CNTNAP4: variants seen among roughly 807,000 people sequenced by gnomAD.
CNTNAP4 encodes the protein contactin-associated protein-like 4.
Under a neutral mutation model 148.4 loss-of-function variants are expected in CNTNAP4, and 98 were observed. The observed-to-expected ratio is 0.66, with a 90% CI of 0.56 to 0.78. The LOEUF (loss-of-function observed/expected upper bound fraction) is 0.78, where lower values mean the gene tolerates loss of function less well. CNTNAP4 is among the 30% of genes least tolerant of loss of function. The pLI is 0.00. For missense variants in CNTNAP4, 1,935 were observed against 1,565.6 expected (o/e 1.24, Z -3.98); for synonymous variants, 730 against 565.1 (o/e 1.29, Z -4.14).
chr16:76,382,736 CT>C (rs1298784770), intron 3 of CNTNAP4, among the ~76,000 whole-genome samples: 1 of 152,106 alleles, frequency 6.6e-6, no homozygotes, highest in Non-Finnish European at 1.5e-5. Context: ...CTCCTAGCAC[CT>C]AGACTGAGGG....
At chr16:76,480,273 CAT>C (rs1268632424) in intron 12 of CNTNAP4, among the ~76,000 whole-genome samples, 5 of 151,972 alleles carry the variant, frequency 3.3e-5, no homozygotes, top group African/African-American at 7.2e-5. Flanking sequence ...GAACAACAAA[CAT>C]AAAATTAATT....
At chr16:76,437,298 A>G (rs1004003233) in intron 4 of CNTNAP4, among the ~76,000 whole-genome samples, 2 of 152,090 alleles carry the variant, frequency 1.3e-5, no homozygotes, top group Admixed American at 6.6e-5. Context: ...TCCTTTGGCA[A>G]CACCCTCACA....
At chr16:76,430,333 C>T (rs1597508693) in intron 4 of CNTNAP4, among the ~76,000 whole-genome samples, 1 of 152,130 alleles carries the variant, frequency 6.6e-6, no homozygotes. Flanking sequence ...ATAAGACATA[C>T]AGCTTGCTCT....
chr16:76,471,101 C>G (rs950583108), intron 10 of CNTNAP4, among the ~76,000 whole-genome samples: 4 of 152,064 alleles, frequency 2.6e-5, no homozygotes, highest in African/African-American at 9.7e-5. Context: ...CGCAAACACA[C>G]ACAAACACAC....
chr16:76,326,707 C>T (rs551940335), intron 2 of CNTNAP4, among the ~76,000 whole-genome samples: 1 of 151,352 alleles, frequency 6.6e-6, no homozygotes, highest in South Asian at 2.1e-4. Context: ...GACAAAAAAA[C>T]CAAACACTGC....
chr16:76,555,863 A>G (rs2085176322), intron 23 of CNTNAP4, among the ~76,000 whole-genome samples: 1 of 152,210 alleles, frequency 6.6e-6, no homozygotes, highest in Non-Finnish European at 1.5e-5. Flanking sequence ...GGTTTTGGTC[A>G]TTGCAGAGAC....
chr16:76,292,532 G>C lies in CNTNAP4; in HGVS notation c.85+14785G>C, dbSNP rs564097410. ...CTGGAGCTCAGTGCCTGTGGCCTCT[G>C]ATAGGCTGCTGCAAATGCAGGTTTT... On this transcript the variant is annotated intron_variant, in intron 1 of 23. Coordinates refer to ENST00000611870, the MANE Select transcript of CNTNAP4 (RefSeq NM_033401.5). Among the ~76,000 whole-genome samples the C allele has an allele frequency of 8.6e-5, 13 of 150,802 alleles. No homozygotes were observed. In the South Asian group the frequency reaches 2.5e-3, roughly 29 times the overall value.
rs138529395 is a variant in CNTNAP4 at position 76,511,119 on chromosome 16, C to G, written c.2366-10021C>G. The stretch of plus-strand genomic sequence containing the variant: ...TGTGGTCTGAATTTCTGCTCTCAGT[C>G]TCTCTATCTGAGCAAGGCAGTATTT... On this transcript the variant is annotated intron_variant, in intron 15 of 23. Transcript: ENST00000611870. 2.4e-3 allele frequency among the ~76,000 whole-genome samples: 372 copies of G among 152,274 alleles called. 2 individuals carry two copies. The highest frequency in any genetic ancestry group is 8.4e-3 in the African/African-American group (349 of 41,560).
chr16:76,379,813 C>T (rs2015785709), intron 3 of CNTNAP4, among the ~76,000 whole-genome samples: 1 of 152,174 alleles, frequency 6.6e-6, no homozygotes, highest in Admixed American at 6.5e-5. Flanking sequence ...CAAATTGATT[C>T]ATGGATCCGT....
At chr16:76,541,233 T>G (rs2084441089) in intron 21 of CNTNAP4, among the ~76,000 whole-genome samples, 1 of 152,230 alleles carries the variant, frequency 6.6e-6, no homozygotes, top group African/African-American at 2.4e-5. Flanking sequence ...AGGTTATGAC[T>G]TGGATTCTAT....
Position 76,526,915 on chromosome 16 carries a change from C to T in CNTNAP4, c.2755+4658C>T, listed in dbSNP as rs190669680. ...TCTCAAACTCCTGGGCTCAAGGGCT[C>T]CACCCCCCTCAGCCTCCCAAAGTGC... On this transcript the variant is annotated intron_variant, in intron 17 of 23. Coordinates refer to ENST00000611870, the MANE Select transcript of CNTNAP4 (RefSeq NM_033401.5). 2.8e-3 allele frequency among the ~76,000 whole-genome samples: 426 copies of T among 152,178 alleles called. 4 individuals are homozygous for T. The highest frequency in any genetic ancestry group is 9.9e-3 in the African/African-American group (413 of 41,528).
intron 4 of CNTNAP4, among the ~76,000 whole-genome samples, chr16:76,428,021 T>G (rs1230248681): frequency 6.6e-6 from 1 of 152,178 alleles, no homozygotes; most frequent in African/African-American, 2.4e-5. Context: ...TATTTTTTCT[T>G]TAGCCTAAAA....
intron 4 of CNTNAP4, among the ~76,000 whole-genome samples, chr16:76,437,783 G>C (rs2079885219): frequency 6.6e-6 from 1 of 152,082 alleles, no homozygotes; most frequent in Non-Finnish European, 1.5e-5. Flanking sequence ...AAATAAAAAT[G>C]AATAATAGAA....
intron 21 of CNTNAP4, among the ~76,000 whole-genome samples, chr16:76,543,879 G>A (rs556034715): frequency 3.9e-4 from 59 of 152,190 alleles, no homozygotes; most frequent in Non-Finnish European, 2.1e-4. Context: ...TCACGTTTCC[G>A]CACTTATCAA....
At chr16:76,298,254 A>T (rs903796297) in intron 1 of CNTNAP4, among the ~76,000 whole-genome samples, 1 of 152,214 alleles carries the variant, frequency 6.6e-6, no homozygotes, top group Non-Finnish European at 1.5e-5. Flanking sequence ...CCAAGCTGAT[A>T]ATCTCAGTGA....
At chr16:76,415,525 G>C (rs1315833186) in intron 3 of CNTNAP4, among the ~76,000 whole-genome samples, 2 of 151,040 alleles carry the variant, frequency 1.3e-5, no homozygotes, top group South Asian at 4.2e-4. Flanking sequence ...ATGTTTTATA[G>C]TACAATACTA....
intron 1 of CNTNAP4, among the ~76,000 whole-genome samples, chr16:76,299,672 G>A (rs1959726393): frequency 6.6e-6 from 1 of 152,122 alleles, no homozygotes; most frequent in African/African-American, 2.4e-5. Flanking sequence ...TATAAATCAT[G>A]CTGCTATAAA....
intron 16 of CNTNAP4, 88 bp from the exon 17 acceptor site, chr16:76,521,951 A>G: frequency 8.6e-7 from 1 of 1,157,618 alleles, no homozygotes; most frequent in Non-Finnish European, 1.3e-6. Flanking sequence ...AGCGATTGTT[A>G]CGCTGTAGTG....
intron 4 of CNTNAP4, among the ~76,000 whole-genome samples, chr16:76,446,512 A>G (rs1354608232): frequency 6.6e-6 from 1 of 152,190 alleles, no homozygotes. Flanking sequence ...GGTTACTGGT[A>G]TAACATGACA....
Sources: gnomAD v4.1 joint callset for allele counts (sites outside exome capture counted in the v4.1 genomes callset) on GRCh38, gnomAD v4.1.1 for gene constraint, MANE v1.5 for transcripts, NCBI Gene and HGNC (gene_info 2026-07-23, HGNC 2026-07-21) for gene names.